KAT6B: variants seen among roughly 807,000 people sequenced by gnomAD.
KAT6B encodes the protein lysine acetyltransferase 6B, also known as histone acetyltransferase KAT6B.
A neutral mutation model predicts 187.5 loss-of-function variants in KAT6B; 10 were observed. The ratio of observed to expected loss-of-function variants is 0.05; its 90% CI spans 0.03 to 0.09. The LOEUF is 0.09. Ranked by LOEUF, KAT6B falls within the 10% of genes least tolerant of loss-of-function variation. KAT6B has a pLI of 1.00. For synonymous variants in KAT6B, 861 were observed against 926.8 expected (o/e 0.93, Z 1.29); for missense variants, 1,952 against 2,558.9 (o/e 0.76, Z 5.12).
chr10:74,845,521 CAAAA>C (rs71024526), intron 3 of KAT6B, among the ~76,000 whole-genome samples: 1 of 64,700 alleles, frequency 1.5e-5, no homozygotes, highest in Non-Finnish European at 3.6e-5. Flanking sequence ...GACTCTGTCT[CAAAA>C]AAAAAAAAAA....
At chr10:74,878,633 A>G (rs1166336775) in intron 3 of KAT6B, among the ~76,000 whole-genome samples, 1 of 152,040 alleles carries the variant, frequency 6.6e-6, no homozygotes, top group Non-Finnish European at 1.5e-5. Context: ...AAAAAAAAAA[A>G]AAAAAAGACA....
chr10:74,951,319 A>T (rs1455638103), intron 3 of KAT6B, among the ~76,000 whole-genome samples: 1 of 151,592 alleles, frequency 6.6e-6, no homozygotes, highest in Non-Finnish European at 1.5e-5. Context: ...TTAAGTAGAG[A>T]CGGGGTTTCA....
At chr10:74,928,385 A>T (rs146267299) in intron 3 of KAT6B, among the ~76,000 whole-genome samples, 1 of 152,194 alleles carries the variant, frequency 6.6e-6, no homozygotes, top group Non-Finnish European at 1.5e-5. Context: ...TGGATGGATA[A>T]GATTTATGCA....
intron 4 of KAT6B, among the ~76,000 whole-genome samples, chr10:74,960,763 G>A (rs1229274510): frequency 1.3e-5 from 2 of 152,168 alleles, no homozygotes; most frequent in Non-Finnish European, 2.9e-5. Flanking sequence ...GGTTTTATGG[G>A]AATGAAATGT....
chr10:74,842,768 T>C lies in KAT6B; in HGVS notation c.-90T>C. On this transcript the variant is annotated 5_prime_UTR_variant, in exon 3 of 18. Transcript: ENST00000287239. ...TGGAATACTCTGTCCATTTGTTGAA[T>C]TGTAAATGACTTTCAAATGTGCAAG... 7.2e-7 allele frequency: 1 copy of C among 1,398,238 alleles called. No individual in the cohort carries two copies. Among genetic ancestry groups the C allele is most frequent in the Non-Finnish European group, 1.0e-6 (1 of 991,764 alleles). The allele number at this position is 1,398,238 out of a possible 1,614,324, so 86.6% of individuals were successfully genotyped here.
chr10:75,020,867 G>T (rs1362990497), intron 14 of KAT6B, 54 bp downstream of exon 14: 7 of 1,456,514 alleles, frequency 4.8e-6, no homozygotes, highest in Non-Finnish European at 3.8e-6. Flanking sequence ...ACACCAGAAA[G>T]GGTCCCTGGA....
At chr10:74,931,117 C>T (rs1848839208) in intron 3 of KAT6B, among the ~76,000 whole-genome samples, 1 of 152,116 alleles carries the variant, frequency 6.6e-6, no homozygotes, top group South Asian at 2.1e-4. Context: ...GCTTATTTGC[C>T]ACTAGTGTTG....
intron 3 of KAT6B, among the ~76,000 whole-genome samples, chr10:74,874,177 A>G (rs532827231): frequency 1.8e-3 from 275 of 152,330 alleles, no homozygotes; most frequent in African/African-American, 6.4e-3. Context: ...AGTTATGAAA[A>G]ATTGGAAAGG....
chr10:74,852,378 T>A (rs1842531693), intron 3 of KAT6B, among the ~76,000 whole-genome samples: 1 of 152,216 alleles, frequency 6.6e-6, no homozygotes, highest in South Asian at 2.1e-4. Flanking sequence ...TATTGTAATG[T>A]GAAAGACGAG....
chr10:74,852,876 C>T (rs1842565502), intron 3 of KAT6B, among the ~76,000 whole-genome samples: 1 of 152,114 alleles, frequency 6.6e-6, no homozygotes, highest in South Asian at 2.1e-4. Flanking sequence ...CTTGTATTCC[C>T]AGCTACATTT....
In KAT6B at chr10:74,966,588, C is replaced by T. The variant is rs186877022; in HGVS notation, c.731-3072C>T. ...ATAAAACTATTGTAAGCTACTAGTA[C>T]TTGACAATGTATTTGTGTAAAATTG... On this transcript the variant is annotated intron_variant, in intron 4 of 17. Transcript: ENST00000287239. 5.3e-5 allele frequency among the ~76,000 whole-genome samples: 8 copies of T among 152,282 alleles called. No homozygotes were observed. In the East Asian group the frequency reaches 1.3e-3, roughly 26 times the overall value.
intron 3 of KAT6B, among the ~76,000 whole-genome samples, chr10:74,938,728 T>G (rs1849440627): frequency 6.6e-6 from 1 of 152,106 alleles, no homozygotes; most frequent in African/African-American, 2.4e-5. Context: ...AGATAAATTA[T>G]GCACCCTTTA....
At chr10:74,936,701 G>A (rs1386581829) in intron 3 of KAT6B, among the ~76,000 whole-genome samples, 1 of 152,174 alleles carries the variant, frequency 6.6e-6, no homozygotes, top group Non-Finnish European at 1.5e-5. Context: ...TAATATTGGA[G>A]CATCCAGGAG....
In KAT6B at chr10:74,842,885, A is replaced by G. The variant is rs1259192079; in HGVS notation, c.28A>G (p.Thr10Ala). 3 of 1,614,080 alleles carry G rather than the reference A, an allele frequency of 1.9e-6. No individual in the cohort carries two copies. The highest frequency in any genetic ancestry group is 2.7e-5 in the African/African-American group (2 of 74,940). ...GGTAAAACTTGCAAACCCACTTTAT[A>G]CAGAGTGGATTCTTGAAGCTATACA... MVKLANPLY[T>A]EWILEAIQKI... Residue 10 changes from threonine to alanine, a missense_variant, in exon 3 of 18, where the codon ACA becomes GCA. Thr to Ala is a moderately conservative substitution (Grantham distance 58). Coordinates refer to ENST00000287239, the MANE Select transcript of KAT6B (RefSeq NM_012330.4).
intron 4 of KAT6B, among the ~76,000 whole-genome samples, chr10:74,965,787 G>T (rs533177649): frequency 6.6e-6 from 1 of 150,840 alleles, no homozygotes; most frequent in Non-Finnish European, 1.5e-5. Context: ...GTGCAGTGGC[G>T]TGATCTCGGT....
rs550372991 is a variant in KAT6B at position 74,838,530 on chromosome 10, T to A, written c.-328-153T>A. Among the ~76,000 whole-genome samples the A allele has an allele frequency of 1.4e-4, 22 of 152,354 alleles. No homozygotes were observed. In the South Asian group the frequency reaches 4.6e-3, roughly 32 times the overall value. On this transcript the variant is annotated intron_variant, in intron 1 of 17. Coordinates refer to ENST00000287239, the MANE Select transcript of KAT6B (RefSeq NM_012330.4). The stretch of plus-strand genomic sequence containing the variant: ...TCAAGTTTCATATTTATAAGAATCC[T>A]TCAGTGGTCTAAAAGAATTATTATA...
chr10:74,953,580 A>T (rs1840467145), intron 3 of KAT6B, among the ~76,000 whole-genome samples: 1 of 152,202 alleles, frequency 6.6e-6, no homozygotes, highest in Non-Finnish European at 1.5e-5. Context: ...TTTGTTTTTA[A>T]CACTTGGGAT....
chr10:74,919,492 C>G (rs1453363250), intron 3 of KAT6B, among the ~76,000 whole-genome samples: 2 of 152,028 alleles, frequency 1.3e-5, no homozygotes, highest in African/African-American at 4.8e-5. Context: ...CCTCTGCCTC[C>G]TGGGTTCAAG....
chr10:74,910,152 G>C (rs1847090409), intron 3 of KAT6B, among the ~76,000 whole-genome samples: 1 of 147,068 alleles, frequency 6.8e-6, no homozygotes, highest in African/African-American at 2.6e-5. Flanking sequence ...AAAAATATTA[G>C]CCAGGCGTGG....
Sources: gnomAD v4.1 joint callset for allele counts (sites outside exome capture counted in the v4.1 genomes callset) on GRCh38, gnomAD v4.1.1 for gene constraint, MANE v1.5 for transcripts, NCBI Gene and HGNC (gene_info 2026-07-23, HGNC 2026-07-21) for gene names.